PDIA4: variants seen among roughly 807,000 people sequenced by gnomAD.
The protein encoded by PDIA4 is protein disulfide isomerase family A member 4.
A neutral mutation model predicts 62.1 loss-of-function variants in PDIA4; 33 were observed. The observed-to-expected ratio is 0.53, with a 90% CI of 0.40 to 0.71. The LOEUF (loss-of-function observed/expected upper bound fraction) is 0.71, where lower values mean the gene tolerates loss of function less well. Ranked by LOEUF, PDIA4 falls within the 30% of genes least tolerant of loss-of-function variation. The pLI, the probability that PDIA4 is intolerant of heterozygous loss-of-function variation, is 0.00. For missense variants in PDIA4, 804 were observed against 813.6 expected (o/e 0.99, Z 0.14); for synonymous variants, 341 against 324.1 (o/e 1.05, Z -0.56).
chr7:149,020,456 G>A (rs892725902), intron 2 of PDIA4, among the ~76,000 whole-genome samples: 3 of 152,208 alleles, frequency 2.0e-5, no homozygotes, highest in Admixed American at 1.3e-4. Context: ...GTCTGCACTA[G>A]GAGGAGTAAA....
rs2129505248 is a variant in PDIA4, at chr7:149,019,148, T to C, written c.319A>G (p.Ile107Val). 6.2e-7 allele frequency: 1 copy of C among 1,614,036 alleles called. No homozygotes were observed. Residue 107 changes from isoleucine (I) to valine (V), a missense_variant, in exon 3 of 10, where the codon ATA (isoleucine) becomes GTA (valine). By Grantham distance (29) the Ile-to-Val change is conservative (BLOSUM62 3). Coordinates refer to ENST00000652332, the MANE Select transcript of PDIA4 (RefSeq NM_004911.5). ...ATGGGAGGATCTTTATCCTTTAATA[T>C]GTTGGCAATTTTTTCATATTCCGGA... ...FAPEYEKIAN[I>V]LKDKDPPIPV...
chr7:149,014,788 A>T, intron 4 of PDIA4, 116 bp downstream of exon 4: 1 of 928,764 alleles, frequency 1.1e-6, no homozygotes, highest in Non-Finnish European at 1.7e-6. Flanking sequence ...ATCCTGGCCT[A>T]CAACTCGTGC....
intron 1 of PDIA4, 69 bp downstream of exon 1, chr7:149,028,252 G>A (rs1824629941): frequency 4.2e-6 from 5 of 1,198,214 alleles, no homozygotes; most frequent in East Asian, 2.6e-5. Flanking sequence ...GGGTCGCAGG[G>A]CCCAGGCCCC....
chr7:149,006,834 T>C (rs1372657697), intron 7 of PDIA4, among the ~76,000 whole-genome samples: 1 of 152,178 alleles, frequency 6.6e-6, no homozygotes, highest in Non-Finnish European at 1.5e-5. Flanking sequence ...TCTTTAACCA[T>C]GACATGGCGC....
rs1419054529 is a variant in PDIA4, at chr7:149,014,981, C to T, written c.537G>A (p.Thr179=). The change falls in exon 4 of 10, where the codon ACG becomes ACA. Residue 179 remains threonine, a synonymous_variant. Coordinates refer to ENST00000652332, the MANE Select transcript of PDIA4 (RefSeq NM_004911.5). ...CAAAGTTCTCTTTGGTCAACACAAG[C>T]GTGACTTCTGGTGGAGGCGTCCAGT... is the stretch of plus-strand genomic sequence containing the variant. ...QPDWTPPPEV[T]LVLTKENFDE... is the part of the protein sequence containing the mutation. The T allele has an allele frequency of 1.2e-6, 2 of 1,614,116 alleles. No individual in the cohort carries two copies. Among genetic ancestry groups the T allele is most frequent in the East Asian group, 2.2e-5 (1 of 44,888 alleles).
chr7:149,024,083 C>G (rs1451029621), intron 1 of PDIA4, among the ~76,000 whole-genome samples: 2 of 152,080 alleles, frequency 1.3e-5, no homozygotes, highest in Non-Finnish European at 2.9e-5. Flanking sequence ...CCCGTCTTTA[C>G]TAAAAGTACA....
In PDIA4 at chr7:149,008,252, C is replaced by T; in HGVS notation, c.1038G>A (p.Lys346=). 1 of 1,614,048 alleles carries T rather than the reference C, an allele frequency of 6.2e-7. No individual in the cohort carries two copies. Among genetic ancestry groups the T allele is most frequent in the Non-Finnish European group, 8.5e-7 (1 of 1,179,960 alleles). ...FHHTFSTEIA[K]FLKVSQGQLV... is the part of the protein sequence containing the mutation. ...ACTGCCCCTGGGAGACTTTCAAGAACTTTGCTATTTCTGTGCTGAAAGTGT... is the reference window on the plus strand; with the variant it reads ...ACTGCCCCTGGGAGACTTTCAAGAATTTTGCTATTTCTGTGCTGAAAGTGT... Residue 346 remains lysine (K), a synonymous_variant, in exon 7 of 10, where the codon AAG becomes AAA. Transcript: ENST00000652332.
At position 149,012,404 on chromosome 7, in the gene PDIA4, G is replaced by A. The variant is rs906518164; in HGVS notation, c.615-44C>T. ...TTTGTCAGGGGCTCATTCTAGTGTG[G>A]ACTCACTTTCTAGCTAAATGAGCTG... On this transcript the variant is annotated intron_variant, in intron 4 of 9. Coordinates refer to ENST00000652332, the MANE Select transcript of PDIA4 (RefSeq NM_004911.5). The A allele has an allele frequency of 4.6e-6, 7 of 1,527,894 alleles. No homozygotes were observed. The African/African-American group carries it at 5.5e-5, about 12-fold the overall frequency. The allele number at this position is 1,527,894 out of a possible 1,614,324, so 94.6% of individuals were successfully genotyped here. A position where few individuals can be genotyped will look rare whatever the true frequency, so the allele number is the denominator to read the frequency against.
At chr7:149,024,018 G>A (rs1470333779) in intron 1 of PDIA4, among the ~76,000 whole-genome samples, 2 of 152,194 alleles carry the variant, frequency 1.3e-5, no homozygotes, top group African/African-American at 4.8e-5. Flanking sequence ...AGGCCAAAGA[G>A]GGTGGATCAT....
chr7:149,006,195 A>C, intron 7 of PDIA4, 142 bp from the exon 8 acceptor site: 1 of 705,654 alleles, frequency 1.4e-6, no homozygotes, highest in Non-Finnish European at 2.2e-6. Flanking sequence ...GCTCGACCCC[A>C]CTCAAGCACA....
chr7:149,006,167 G>A, intron 7 of PDIA4, 114 bp from the exon 8 acceptor site: 2 of 1,078,970 alleles, frequency 1.9e-6, no homozygotes, highest in South Asian at 1.7e-5. Flanking sequence ...TCAGTCTTAG[G>A]AGGCAAAACA....
At chr7:149,005,673 A>T (rs1055931311) in intron 8 of PDIA4, among the ~76,000 whole-genome samples, 1 of 152,148 alleles carries the variant, frequency 6.6e-6, no homozygotes, top group African/African-American at 2.4e-5. Context: ...CAGCTACGTC[A>T]ACTCTAAGAG....
At chr7:149,012,384 C>T (rs1823978871) in intron 4 of PDIA4, 24 bp from the exon 5 acceptor site, 1 of 1,597,910 alleles carries the variant, frequency 6.3e-7, no homozygotes, top group Non-Finnish European at 8.6e-7. Flanking sequence ...ACTGGTTTGT[C>T]AGGGGCTCAT....
chr7:149,023,611 G>A (rs1179981822), intron 1 of PDIA4, among the ~76,000 whole-genome samples: 2 of 152,040 alleles, frequency 1.3e-5, no homozygotes, highest in Non-Finnish European at 2.9e-5. Flanking sequence ...CTTGCAAGCA[G>A]ATGGATGGGA....
intron 6 of PDIA4, among the ~76,000 whole-genome samples, chr7:149,010,851 T>G (rs1336143881): frequency 6.6e-6 from 1 of 152,140 alleles, no homozygotes; most frequent in Non-Finnish European, 1.5e-5. Flanking sequence ...ACCTGCATTT[T>G]AACAAATTCC....
At chr7:149,008,694 G>C (rs990115809) in intron 6 of PDIA4, among the ~76,000 whole-genome samples, 6 of 150,794 alleles carry the variant, frequency 4.0e-5, no homozygotes, top group African/African-American at 1.5e-4. Context: ...CTGGGCGACA[G>C]AGTGAGACTG....
rs142529726 is a variant in PDIA4 at position 149,014,906 on chromosome 7, T to C, written c.612A>G (p.Pro204=). 23 of 1,614,066 alleles carry C rather than the reference T, an allele frequency of 1.4e-5. 1 individual carries two copies. In the African/African-American group the frequency reaches 2.0e-4, roughly 14 times the overall value. ...GAAAGGGCCTGACACCACCTTACCA[T>C]GGGGCATAAAACTCCACCAGAATGA... ...ADIILVEFYA[P]WCGHCKKLAP... Residue 204 remains proline, a splice_region_variant and synonymous_variant, in exon 4 of 10, where the codon CCA becomes CCG. Transcript: ENST00000652332.
At chr7:149,006,239 T>C (rs1234425203) in intron 7 of PDIA4, 186 bp from the exon 8 acceptor site, 5 of 549,198 alleles carry the variant, frequency 9.1e-6, no homozygotes, top group Non-Finnish European at 9.1e-6. Flanking sequence ...TTGGGGCTCC[T>C]TTCCCTCCAG....
intron 6 of PDIA4, among the ~76,000 whole-genome samples, chr7:149,011,364 G>C (rs1208175742): frequency 2.0e-5 from 3 of 152,190 alleles, no homozygotes; most frequent in African/African-American, 7.2e-5. Flanking sequence ...AGGCTAGCAA[G>C]ACTAGCATTT....
Sources: allele counts gnomAD v4.1 joint callset (sites outside exome capture counted in the v4.1 genomes callset), GRCh38; gene constraint gnomAD v4.1.1; transcripts MANE v1.5; gene names NCBI Gene and HGNC (gene_info 2026-07-23, HGNC 2026-07-21).